The following INSR variants were observed in gnomAD, a reference collection of about 807,000 sequenced individuals.
INSR encodes insulin receptor, also known as IR.
Under a neutral mutation model 142.6 loss-of-function variants are expected in INSR, and 67 were observed. The ratio of observed to expected loss-of-function variants is 0.47; its 90% CI spans 0.39 to 0.58. The LOEUF is 0.58. INSR is among the 20% of genes least tolerant of loss of function. The probability of loss-of-function intolerance (pLI) is 0.00; values close to 1 mark genes in which losing one functional copy is unlikely to be tolerated. For synonymous variants in INSR, 756 were observed against 743.1 expected (o/e 1.02, Z -0.28); for missense variants, 1,248 against 1,833.2 (o/e 0.68, Z 5.83).
chr19:7,262,918 G>A (rs552536585), intron 2 of INSR, among the ~76,000 whole-genome samples: 14 of 152,304 alleles, frequency 9.2e-5, no homozygotes, highest in Non-Finnish European at 1.6e-4. Context: ...TTTGGGAGAT[G>A]GTGGTGGTGA....
chr19:7,169,007 G>A (rs1447803168), intron 6 of INSR, among the ~76,000 whole-genome samples: 1 of 152,206 alleles, frequency 6.6e-6, no homozygotes, highest in Non-Finnish European at 1.5e-5. Context: ...CAGTCAGCAG[G>A]CAGCCTGCAG....
intron 1 of INSR, chr19:7,268,623 C>A (rs1967814206): frequency 1.0e-6 from 1 of 985,008 alleles, no homozygotes; most frequent in South Asian, 4.7e-5. Context: ...GACTCCTATC[C>A]TCCTCTGTAA....
chr19:7,268,989 C>T (rs1967824335), intron 1 of INSR, among the ~76,000 whole-genome samples: 1 of 151,186 alleles, frequency 6.6e-6, no homozygotes, highest in Non-Finnish European at 1.5e-5. Context: ...TAACGTTTTT[C>T]AAAATTGAAG....
chr19:7,134,689 C>T lies in INSR; in HGVS notation c.2683-2372G>A, dbSNP rs578035716. Among the ~76,000 whole-genome samples the T allele has an allele frequency of 6.6e-5, 10 of 151,976 alleles. No homozygotes were observed. The East Asian group carries it at 1.2e-3, about 18-fold the overall frequency. On this transcript the variant is annotated intron_variant, in intron 13 of 21. Transcript: ENST00000302850. ...CTGAGGCAGGAGAATCACTTGAACC[C>T]GGGAGGCAGAGTTTGTAGTGAGTCG...
In INSR at chr19:7,168,886, G is replaced by A. The variant is rs888773608; in HGVS notation, c.1484-792C>T. 6.6e-6 allele frequency among the ~76,000 whole-genome samples: 1 copy of A among 152,056 alleles called. No homozygotes were observed. The highest frequency in any genetic ancestry group is 1.5e-5 in the Non-Finnish European group (1 of 68,016). On this transcript the variant is annotated intron_variant, in intron 6 of 21. Coordinates refer to ENST00000302850, the MANE Select transcript of INSR (RefSeq NM_000208.4). The surrounding 1 kb of genome is among the most constrained non-coding windows in gnomAD (Gnocchi z 4.3). ...CCCAGAGTGCTGGGATTCCAGGCGTGAGCCACCATGCCCAGCCCTTGCACT... is the reference window on the plus strand; with the variant it reads ...CCCAGAGTGCTGGGATTCCAGGCGTAAGCCACCATGCCCAGCCCTTGCACT...
intron 6 of INSR, among the ~76,000 whole-genome samples, chr19:7,169,351 C>G (rs1338426587): frequency 6.6e-6 from 1 of 151,998 alleles, no homozygotes; most frequent in Non-Finnish European, 1.5e-5. Flanking sequence ...GGGAGGATCA[C>G]CTGAGGTCAG....
At chr19:7,210,937 C>T (rs963347332) in intron 2 of INSR, among the ~76,000 whole-genome samples, 14 of 152,146 alleles carry the variant, frequency 9.2e-5, no homozygotes, top group Admixed American at 2.0e-4. Flanking sequence ...ACCATGTTGG[C>T]GAGGCTGGTC....
At chr19:7,191,797 C>T (rs1297984398) in intron 2 of INSR, among the ~76,000 whole-genome samples, 1 of 150,952 alleles carries the variant, frequency 6.6e-6, no homozygotes, top group Admixed American at 6.6e-5. Context: ...CCACTGCACT[C>T]CAGCCTGGGC....
At chr19:7,132,042 T>G (rs1972795786) in intron 14 of INSR, 116 bp downstream of exon 14, 4 of 1,295,238 alleles carry the variant, frequency 3.1e-6, no homozygotes. Flanking sequence ...CTGATAGGCC[T>G]GAGAGTCAAG....
At chr19:7,244,343 G>T (rs1345153353) in intron 2 of INSR, among the ~76,000 whole-genome samples, 1 of 152,128 alleles carries the variant, frequency 6.6e-6, no homozygotes. Context: ...GACCAGCCTG[G>T]CCAACATGGT....
intron 9 of INSR, among the ~76,000 whole-genome samples, chr19:7,158,224 G>C (rs1207464307): frequency 6.6e-6 from 1 of 152,024 alleles, no homozygotes; most frequent in Non-Finnish European, 1.5e-5. Flanking sequence ...TAATGGGCCA[G>C]GCGCGGTGAC....
intron 1 of INSR, among the ~76,000 whole-genome samples, chr19:7,292,805 C>T (rs991733715): frequency 1.3e-5 from 2 of 152,154 alleles, no homozygotes; most frequent in African/African-American, 2.4e-5. Flanking sequence ...ATGCTGCCCA[C>T]ACGTGGGAGA....
intron 2 of INSR, among the ~76,000 whole-genome samples, chr19:7,237,046 T>C (rs1213395670): frequency 1.4e-5 from 2 of 143,992 alleles, no homozygotes; most frequent in African/African-American, 5.1e-5. Context: ...AAAAAAAAGA[T>C]ACAATAGACT....
chr19:7,243,023 C>G (rs1287653874), intron 2 of INSR, among the ~76,000 whole-genome samples: 1 of 152,004 alleles, frequency 6.6e-6, no homozygotes, highest in African/African-American at 2.4e-5. Flanking sequence ...AACACAGACA[C>G]ACACACCACT....
Position 7,125,598 on chromosome 19 carries a change from C to A in INSR, c.3014-71G>T. 1 of 1,593,100 alleles carries A rather than the reference C, an allele frequency of 6.3e-7. No homozygotes were observed. Among genetic ancestry groups the A allele is most frequent in the Non-Finnish European group, 8.5e-7 (1 of 1,171,418 alleles). On this transcript the variant is annotated intron_variant, in intron 16 of 21. Coordinates refer to ENST00000302850, the MANE Select transcript of INSR (RefSeq NM_000208.4). This position sits in a 1 kb window ranked among gnomAD's most constrained non-coding sequence, Gnocchi z 4.9. ...GGTCTGCAGCCACCTTCCACCCAAG[C>A]CCTCACCCAAACCCCCTCGAAAACA...
intron 2 of INSR, among the ~76,000 whole-genome samples, chr19:7,217,691 G>C (rs939665266): frequency 2.3e-4 from 35 of 152,178 alleles, no homozygotes; most frequent in Non-Finnish European, 3.1e-4. Flanking sequence ...TCCCAAGTAG[G>C]TGGGACTACA....
chr19:7,183,705 A>T (rs980486923), intron 3 of INSR, among the ~76,000 whole-genome samples: 6 of 152,070 alleles, frequency 3.9e-5, no homozygotes, highest in African/African-American at 1.4e-4. Context: ...AAAACCAAGG[A>T]CTCTGTCCTT....
rs1439978076 is a variant in INSR, at chr19:7,113,154, G to A, written c.*3902C>T. On this transcript the variant is annotated 3_prime_UTR_variant, in exon 22 of 22. Coordinates refer to ENST00000302850, the MANE Select transcript of INSR (RefSeq NM_000208.4). The stretch of plus-strand genomic sequence containing the variant: ...ACTACAGCACATCCATTTACCGGAT[G>A]ACCAGCGCAAGTCATATGCTGATGA... The A allele has an allele frequency of 6.6e-6, 1 of 152,156 alleles. No homozygotes were observed. The highest frequency in any genetic ancestry group is 1.5e-5 in the Non-Finnish European group (1 of 68,050). 9.4% of individuals were successfully genotyped at this position (152,156 alleles called of 1,614,324 possible). A position where few individuals can be genotyped will look rare whatever the true frequency, so the allele number is the denominator to read the frequency against.
At chr19:7,243,249 T>TG (rs1351837284) in intron 2 of INSR, among the ~76,000 whole-genome samples, 2 of 133,752 alleles carry the variant, frequency 1.5e-5, no homozygotes, top group African/African-American at 2.8e-5. Context: ...TTTTTTTTTT[T>TG]TTTTTTTTTT....
Sources: allele counts gnomAD v4.1 joint callset (sites outside exome capture counted in the v4.1 genomes callset), GRCh38; gene constraint gnomAD v4.1.1; non-coding constraint Gnocchi (gnomAD v3.1); transcripts MANE v1.5; gene names NCBI Gene and HGNC (gene_info 2026-07-23, HGNC 2026-07-21).